GALNT17: variants seen among roughly 807,000 people sequenced by gnomAD.
The protein encoded by GALNT17 is UDP-GalNAc:polypeptide N-acetylgalactosaminyltransferase-like 3.
A neutral mutation model predicts 63.7 loss-of-function variants in GALNT17; 29 were observed. The ratio of observed to expected loss-of-function variants is 0.46; its 90% CI spans 0.34 to 0.62. GALNT17 has a LOEUF of 0.62. Among genes scored for constraint, GALNT17 ranks in the 20% least tolerant of loss-of-function variants. The probability of loss-of-function intolerance (pLI) is 0.01; values close to 1 mark genes in which losing one functional copy is unlikely to be tolerated. For missense variants in GALNT17, 603 were observed against 799.6 expected (o/e 0.75, Z 2.97); for synonymous variants, 305 against 318.3 (o/e 0.96, Z 0.45).
intron 5 of GALNT17, among the ~76,000 whole-genome samples, chr7:71,457,158 C>T (rs1325341564): frequency 6.6e-6 from 1 of 152,156 alleles, no homozygotes; most frequent in Non-Finnish European, 1.5e-5. Context: ...ATAAGCTATC[C>T]GTTTACATTG....
intron 6 of GALNT17, among the ~76,000 whole-genome samples, chr7:71,652,043 C>A (rs557061965): frequency 6.6e-6 from 1 of 152,194 alleles, no homozygotes; most frequent in Admixed American, 6.5e-5. Flanking sequence ...CCATATTATT[C>A]TTTTCAGTAC....
At chr7:71,193,839 A>G (rs1223889451) in intron 1 of GALNT17, among the ~76,000 whole-genome samples, 2 of 152,188 alleles carry the variant, frequency 1.3e-5, no homozygotes, top group Non-Finnish European at 2.9e-5. Context: ...TAGCAAGTGA[A>G]TAATAAAATA....
At chr7:71,321,513 C>T (rs1035830949) in intron 1 of GALNT17, among the ~76,000 whole-genome samples, 4 of 152,218 alleles carry the variant, frequency 2.6e-5, no homozygotes, top group African/African-American at 7.2e-5. Context: ...TGCCTTAAGG[C>T]ATGCCTGGTG....
intron 5 of GALNT17, among the ~76,000 whole-genome samples, chr7:71,567,265 G>A (rs966943730): frequency 8.5e-5 from 13 of 152,130 alleles, no homozygotes; most frequent in Non-Finnish European, 1.6e-4. Flanking sequence ...GCATAGTCCA[G>A]GGTGAACCTG....
At chr7:71,303,903 G>A (rs557467449) in intron 1 of GALNT17, among the ~76,000 whole-genome samples, 2 of 152,178 alleles carry the variant, frequency 1.3e-5, no homozygotes, top group African/African-American at 4.8e-5. Flanking sequence ...CGGGGCAGCT[G>A]TAAGGCAAGT....
In GALNT17 at chr7:71,242,922, C is replaced by T. The variant is rs951564070; in HGVS notation, c.239-92628C>T. 4.6e-5 allele frequency among the ~76,000 whole-genome samples: 7 copies of T among 152,218 alleles called. No homozygotes were observed. In the South Asian group the frequency reaches 8.3e-4, roughly 18 times the overall value. On this transcript the variant is annotated intron_variant, in intron 1 of 10. Coordinates refer to ENST00000333538, the MANE Select transcript of GALNT17 (RefSeq NM_022479.3). Reference sequence around the variant, plus strand: ...GTGTACTTTACCTTTCTGTGGTTTACAGCTAGTTAGGCCATTAGAATCTTA... The same window carrying T: ...GTGTACTTTACCTTTCTGTGGTTTATAGCTAGTTAGGCCATTAGAATCTTA...
At chr7:71,222,324 C>T (rs1789601470) in intron 1 of GALNT17, among the ~76,000 whole-genome samples, 1 of 152,036 alleles carries the variant, frequency 6.6e-6, no homozygotes, top group Admixed American at 6.6e-5. Flanking sequence ...CTAATCTGAG[C>T]CTCACACACC....
Position 71,560,663 on chromosome 7 carries a change from C to T in GALNT17, c.963-10622C>T, listed in dbSNP as rs115490151. Among the ~76,000 whole-genome samples the T allele has an allele frequency of 1.3e-3, 200 of 152,238 alleles. 1 individual carries two copies. The highest frequency in any genetic ancestry group is 4.6e-3 in the African/African-American group (192 of 41,538). ...ACGGAGCTGTAGCTCTCTTTAGCAC[C>T]GTCATGAGAAAGTTCACTTGAGTTC... On this transcript the variant is annotated intron_variant, in intron 5 of 10. Transcript: ENST00000333538.
At chr7:71,329,414 G>A (rs1791762683) in intron 1 of GALNT17, among the ~76,000 whole-genome samples, 1 of 152,090 alleles carries the variant, frequency 6.6e-6, no homozygotes, top group Non-Finnish European at 1.5e-5. Flanking sequence ...GGCTGTAATC[G>A]TACACTGAGG....
At chr7:71,160,459 A>G (rs2116247925) in intron 1 of GALNT17, among the ~76,000 whole-genome samples, 1 of 152,204 alleles carries the variant, frequency 6.6e-6, no homozygotes, top group South Asian at 2.1e-4. Context: ...CAATGGTGTG[A>G]TGAACATTTT....
intron 5 of GALNT17, among the ~76,000 whole-genome samples, chr7:71,514,188 C>A (rs1440675785): frequency 6.6e-6 from 1 of 152,040 alleles, no homozygotes. Context: ...GAGCAAGACC[C>A]TATCTCAAAA....
In GALNT17 at chr7:71,665,456, G is replaced by C; in HGVS notation, c.1126G>C (p.Val376Leu). ...CATGGAGGTCCTTCCTTGCTCACGGGTGGCCCACATTGAGCGGAAGAAGAA... is the reference window on the plus strand; with the variant it reads ...CATGGAGGTCCTTCCTTGCTCACGGCTGGCCCACATTGAGCGGAAGAAGAA... The part of the protein sequence containing the change: ...GSMEVLPCSR[V>L]AHIERKKKPY... Residue 376 changes from valine (V) to leucine (L), a missense_variant, in exon 7 of 11, where the codon GTG becomes CTG. Around this residue, in one of 3 missense-constraint regions of GALNT17, gnomAD observed 336 missense variants for 507.8 expected, o/e 0.66. Coordinates refer to ENST00000333538, the MANE Select transcript of GALNT17 (RefSeq NM_022479.3). 6.2e-7 allele frequency: 1 copy of C among 1,613,016 alleles called. No individual in the cohort carries two copies. Among genetic ancestry groups the C allele is most frequent in the Admixed American group, 1.7e-5 (1 of 59,998 alleles).
intron 2 of GALNT17, among the ~76,000 whole-genome samples, chr7:71,342,708 G>A (rs1012176505): frequency 6.6e-6 from 1 of 152,082 alleles, no homozygotes; most frequent in Non-Finnish European, 1.5e-5. Context: ...TGTGAGGTGG[G>A]GGTTTGTAAG....
intron 1 of GALNT17, among the ~76,000 whole-genome samples, chr7:71,148,858 T>TATATATATA (rs1788075671): frequency 2.2e-5 from 2 of 91,916 alleles, no homozygotes; most frequent in African/African-American, 1.0e-4. Flanking sequence ...ATTATGGTAT[T>TATATATATA]TTTATATATA....
intron 1 of GALNT17, among the ~76,000 whole-genome samples, chr7:71,260,508 C>G (rs1406397800): frequency 6.6e-6 from 1 of 152,088 alleles, no homozygotes; most frequent in African/African-American, 2.4e-5. Context: ...GACTCATTCT[C>G]CTAGAAATAT....
At chr7:71,609,713 AATGTATACTAT>A (rs1790096760) in intron 6 of GALNT17, among the ~76,000 whole-genome samples, 1 of 152,098 alleles carries the variant, frequency 6.6e-6, no homozygotes, top group Non-Finnish European at 1.5e-5. Context: ...AAGTTATTTT[AATGTATACTAT>A]ATGTATATAG....
At chr7:71,449,064 A>C (rs1164791946) in intron 5 of GALNT17, among the ~76,000 whole-genome samples, 2 of 141,732 alleles carry the variant, frequency 1.4e-5, no homozygotes, top group East Asian at 4.2e-4. Flanking sequence ...TGTTTGCTCT[A>C]CTTCAGTGAA....
chr7:71,337,078 T>TA (rs1255792417), intron 2 of GALNT17, among the ~76,000 whole-genome samples: 15 of 151,564 alleles, frequency 9.9e-5, no homozygotes, highest in Admixed American at 5.9e-4. Context: ...TTCCTTTTTC[T>TA]AAAAAAAAAT....
intron 1 of GALNT17, among the ~76,000 whole-genome samples, chr7:71,202,780 G>T (rs749771183): frequency 6.6e-6 from 1 of 152,146 alleles, no homozygotes; most frequent in Non-Finnish European, 1.5e-5. Context: ...CACGGCCACT[G>T]CCACCAGCCT....
Sources: allele counts gnomAD v4.1 joint callset (sites outside exome capture counted in the v4.1 genomes callset), GRCh38; gene constraint gnomAD v4.1.1; regional missense constraint gnomAD v4.1.1; transcripts MANE v1.5; gene names NCBI Gene and HGNC (gene_info 2026-07-23, HGNC 2026-07-21).